The following ITPR1 variants were observed in gnomAD, a reference collection of about 807,000 sequenced individuals.
ITPR1 encodes the protein inositol 1,4,5-trisphosphate-gated calcium channel ITPR1.
ITPR1 carries 96 observed loss-of-function variants against 318.4 expected under a neutral mutation model. That is an observed-to-expected ratio of 0.30 (90% CI 0.26 to 0.36). ITPR1 has a LOEUF of 0.36. ITPR1 is among the 10% of genes least tolerant of loss of function. The pLI is 1.00. For synonymous variants in ITPR1, 1,312 were observed against 1,289.9 expected (o/e 1.02, Z -0.37); for missense variants, 2,440 against 3,460.2 (o/e 0.71, Z 7.40).
At chr3:4,563,715 G>T (rs556928182) in intron 4 of ITPR1, among the ~76,000 whole-genome samples, 35 of 152,234 alleles carry the variant, frequency 2.3e-4, no homozygotes, top group Admixed American at 5.2e-4. Context: ...AACGGTGCTA[G>T]ATTTTTTCAT....
chr3:4,628,775 C>T (rs2092922081), intron 5 of ITPR1, among the ~76,000 whole-genome samples: 1 of 152,180 alleles, frequency 6.6e-6, no homozygotes, highest in Non-Finnish European at 1.5e-5. Context: ...GGGCACTTAC[C>T]AGGCACTCCC....
intron 13 of ITPR1, among the ~76,000 whole-genome samples, chr3:4,659,472 T>C (rs1026823334): frequency 1.3e-5 from 2 of 152,072 alleles, no homozygotes; most frequent in Admixed American, 6.6e-5. Context: ...CTTGATTGAG[T>C]CCAGGTGTTT....
intron 4 of ITPR1, among the ~76,000 whole-genome samples, chr3:4,622,813 A>G (rs764413280): frequency 1.3e-5 from 2 of 152,242 alleles, no homozygotes; most frequent in Non-Finnish European, 2.9e-5. Context: ...TTTCTGGAGC[A>G]CTGGGGATTG....
intron 32 of ITPR1, 49 bp from the exon 33 acceptor site, chr3:4,693,441 C>T: frequency 2.5e-6 from 4 of 1,589,354 alleles, no homozygotes; most frequent in South Asian, 1.1e-5. Flanking sequence ...TTTCATGCTG[C>T]CCCACCCCTG....
At chr3:4,595,077 T>A (rs1449980024) in intron 4 of ITPR1, among the ~76,000 whole-genome samples, 2 of 152,142 alleles carry the variant, frequency 1.3e-5, no homozygotes, top group Non-Finnish European at 2.9e-5. Context: ...TTGGTGAAAA[T>A]AGCTCAAAAG....
At chr3:4,646,285 G>T (rs1412646053) in intron 10 of ITPR1, among the ~76,000 whole-genome samples, 1 of 152,230 alleles carries the variant, frequency 6.6e-6, no homozygotes, top group Non-Finnish European at 1.5e-5. Flanking sequence ...CAGTGAGAGA[G>T]GGTGAATGTC....
At chr3:4,783,435 A>C (rs2046963789) in intron 50 of ITPR1, among the ~76,000 whole-genome samples, 1 of 152,026 alleles carries the variant, frequency 6.6e-6, no homozygotes, top group Non-Finnish European at 1.5e-5. Flanking sequence ...GTTACCACCC[A>C]CTGGTTAAAG....
intron 37 of ITPR1, among the ~76,000 whole-genome samples, chr3:4,707,105 C>T (rs754523107): frequency 7.9e-5 from 12 of 152,174 alleles, no homozygotes; most frequent in Non-Finnish European, 1.5e-4. Flanking sequence ...CTTGACTTCT[C>T]GGTCCTTCAG....
At chr3:4,577,770 A>G (rs1222803247) in intron 4 of ITPR1, among the ~76,000 whole-genome samples, 1 of 152,220 alleles carries the variant, frequency 6.6e-6, no homozygotes, top group Non-Finnish European at 1.5e-5. Flanking sequence ...AAATTTCTTG[A>G]CTTCGCCAAC....
At chr3:4,584,707 C>A (rs926408562) in intron 4 of ITPR1, among the ~76,000 whole-genome samples, 1 of 151,990 alleles carries the variant, frequency 6.6e-6, no homozygotes, top group Non-Finnish European at 1.5e-5. Context: ...TTTTCAAGAA[C>A]CTGTTGGTGG....
chr3:4,663,060 C>G lies in ITPR1; in HGVS notation c.1413-5C>G. 6.2e-7 allele frequency: 1 copy of G among 1,613,372 alleles called. No individual in the cohort carries two copies. Among genetic ancestry groups the G allele is most frequent in the Non-Finnish European group, 8.5e-7 (1 of 1,179,502 alleles). ...TCTGTCTCTAATAGCGTCTTTCCTCCTAAGGTCTGTAACCAAGCTGCTAGA... is the reference window on the plus strand; with the variant it reads ...TCTGTCTCTAATAGCGTCTTTCCTCGTAAGGTCTGTAACCAAGCTGCTAGA... On this transcript the variant is annotated splice_region_variant and splice_polypyrimidine_tract_variant and intron_variant, in intron 15 of 61. Coordinates refer to ENST00000649015, the MANE Select transcript of ITPR1 (RefSeq NM_001378452.1).
At chr3:4,722,593 G>A (rs961353738) in intron 40 of ITPR1, among the ~76,000 whole-genome samples, 2 of 151,940 alleles carry the variant, frequency 1.3e-5, no homozygotes, top group Non-Finnish European at 2.9e-5. Flanking sequence ...CTATTAATAT[G>A]CTTATATTTA....
At chr3:4,833,075 T>C (rs1424575686) in intron 60 of ITPR1, among the ~76,000 whole-genome samples, 1 of 152,250 alleles carries the variant, frequency 6.6e-6, no homozygotes, top group Admixed American at 6.5e-5. Flanking sequence ...TTTCTCATCT[T>C]TAGATCCTCA....
At chr3:4,753,539 G>C (rs755764742) in intron 44 of ITPR1, among the ~76,000 whole-genome samples, 1 of 152,096 alleles carries the variant, frequency 6.6e-6, no homozygotes, top group Admixed American at 6.5e-5. Flanking sequence ...GCAGGGTGGG[G>C]AGACATGAAG....
chr3:4,738,592 CG>C (rs2043456375), intron 44 of ITPR1, among the ~76,000 whole-genome samples: 1 of 152,190 alleles, frequency 6.6e-6, no homozygotes, highest in East Asian at 1.9e-4. Flanking sequence ...GGCTGAGGGC[CG>C]CCAGCACTGA....
intron 5 of ITPR1, among the ~76,000 whole-genome samples, chr3:4,635,490 G>A (rs4685782): frequency 0.048 from 7,232 of 151,692 alleles, 635 homozygotes; most frequent in East Asian, 0.36. Flanking sequence ...ACAGGTGCCC[G>A]CCACCACGCC....
chr3:4,826,686 T>C lies in ITPR1; in HGVS notation c.8028+8444T>C, dbSNP rs141564193. Among the ~76,000 whole-genome samples, 102 of 152,312 alleles carry C rather than the reference T, an allele frequency of 6.7e-4. No individual in the cohort carries two copies. The highest frequency in any genetic ancestry group is 2.4e-3 in the African/African-American group (99 of 41,578). Reference sequence around the variant, plus strand: ...ATTCTGCCCTTTAGTCTAGGGAGGATGAAATCACCCCTTGTTCCGTGCAGC... The same window carrying C: ...ATTCTGCCCTTTAGTCTAGGGAGGACGAAATCACCCCTTGTTCCGTGCAGC... On this transcript the variant is annotated intron_variant, in intron 60 of 61. Transcript: ENST00000649015. The surrounding 1 kb of genome is among the most constrained non-coding windows in gnomAD (Gnocchi z 4.2).
At chr3:4,628,005 T>C (rs1468662930) in intron 5 of ITPR1, 127 bp downstream of exon 5, 2 of 596,574 alleles carry the variant, frequency 3.4e-6, no homozygotes, top group East Asian at 5.6e-5. Context: ...TACTTTTTTT[T>C]TCGTGAAGGG....
At chr3:4,713,096 G>T (rs539105069) in intron 39 of ITPR1, among the ~76,000 whole-genome samples, 1 of 152,198 alleles carries the variant, frequency 6.6e-6, no homozygotes, top group South Asian at 2.1e-4. Context: ...AAGGTGGGGG[G>T]TACGGGGGAA....
Sources: gnomAD v4.1 joint callset for allele counts (sites outside exome capture counted in the v4.1 genomes callset) on GRCh38, gnomAD v4.1.1 for gene constraint, Gnocchi (gnomAD v3.1) non-coding constraint, MANE v1.5 for transcripts, NCBI Gene and HGNC (gene_info 2026-07-23, HGNC 2026-07-21) for gene names.